Variants in CTNNBL1 observed in about 807,000 individuals in gnomAD.
CTNNBL1 encodes the protein beta-catenin-like protein 1.
In CTNNBL1, 31 loss-of-function variants were observed where a neutral mutation model predicts 72.7. The ratio of observed to expected loss-of-function variants is 0.43; its 90% CI spans 0.32 to 0.58. The LOEUF is 0.58. CTNNBL1 is among the 20% of genes least tolerant of loss of function. The pLI, the probability that CTNNBL1 is intolerant of heterozygous loss-of-function variation, is 0.08. For synonymous variants in CTNNBL1, 240 were observed against 267.3 expected, an observed-to-expected ratio of 0.90 and a Z score of 1.00; for missense variants, 534 against 725.1, an observed-to-expected ratio of 0.74 and a Z score of 3.03.
In CTNNBL1 at chr20:37,733,004, G is replaced by A. The variant is rs780488517; in HGVS notation, c.156G>A (p.Ala52=). Residue 52 remains alanine (A), a synonymous_variant, in exon 2 of 16, where the codon GCG becomes GCA. Transcript: ENST00000361383. ...REEEMTVVEE[A]DDDKKRLLQI... The stretch of plus-strand genomic sequence containing the variant: ...AAGAAATGACTGTGGTGGAGGAAGC[G>A]GATGATGACAAAAAAAGGCTGCTGC... The A allele has an allele frequency of 8.1e-6, 13 of 1,613,788 alleles. No individual in the cohort carries two copies. The highest frequency in any genetic ancestry group is 7.7e-5 in the South Asian group (7 of 91,078).
At chr20:37,813,553 C>A (rs1358855560) in intron 11 of CTNNBL1, among the ~76,000 whole-genome samples, 1 of 152,164 alleles carries the variant, frequency 6.6e-6, no homozygotes, top group African/African-American at 2.4e-5. Flanking sequence ...ACTTATCACT[C>A]CTGTTTTTCT....
At chr20:37,868,460 A>T (rs2072555648) in intron 15 of CTNNBL1, among the ~76,000 whole-genome samples, 1 of 152,192 alleles carries the variant, frequency 6.6e-6, no homozygotes, top group Non-Finnish European at 1.5e-5. Flanking sequence ...CATGTGAGAC[A>T]ACCTAGAAAA....
intron 1 of CTNNBL1, among the ~76,000 whole-genome samples, chr20:37,707,706 T>C (rs1027048433): frequency 8.5e-5 from 13 of 152,240 alleles, no homozygotes; most frequent in Non-Finnish European, 1.9e-4. Context: ...TTCAAGAGCT[T>C]TTCCTGTGCA....
At chr20:37,724,307 T>C (rs886124701) in intron 1 of CTNNBL1, among the ~76,000 whole-genome samples, 1 of 152,222 alleles carries the variant, frequency 6.6e-6, no homozygotes, top group African/African-American at 2.4e-5. Flanking sequence ...TGAAAGTGTT[T>C]ATTCTCGAAA....
In CTNNBL1 at chr20:37,802,916, A is replaced by G. The variant is rs750024619; in HGVS notation, c.1081A>G (p.Met361Val). 3.0e-5 allele frequency: 49 copies of G among 1,613,938 alleles called. No homozygotes were observed. Among genetic ancestry groups the G allele is most frequent in the Non-Finnish European group, 3.9e-5 (46 of 1,180,012 alleles). Residue 361 changes from methionine to valine, a missense_variant, in exon 11 of 16, where the codon ATG becomes GTG. Met to Val is a conservative substitution (Grantham distance 21). Transcript: ENST00000361383. The part of the protein sequence containing the change: ...SSALKVLDHA[M>V]IGPEGTDNCH... ...TGCCCTGAAAGTGCTGGACCATGCC[A>G]TGATTGGCCCCGAAGGCACAGACAA...
rs185562389 is a variant in CTNNBL1, at chr20:37,798,785, T to G, written c.1032-4082T>G. On this transcript the variant is annotated intron_variant, in intron 10 of 15. Coordinates refer to ENST00000361383, the MANE Select transcript of CTNNBL1 (RefSeq NM_030877.5). Reference sequence around the variant, plus strand: ...GTTCTGTGTTATTTGTGAAATGGTTTGAGCGTATGCTGAATGGTAACTGAA... The same window carrying G: ...GTTCTGTGTTATTTGTGAAATGGTTGGAGCGTATGCTGAATGGTAACTGAA... Among the ~76,000 whole-genome samples, 24 of 152,364 alleles carry G rather than the reference T, an allele frequency of 1.6e-4. 1 individual carries two copies. The highest frequency in any genetic ancestry group is 5.5e-4 in the African/African-American group (23 of 41,588).
At chr20:37,700,771 A>G (rs1178260939) in intron 1 of CTNNBL1, among the ~76,000 whole-genome samples, 1 of 152,186 alleles carries the variant, frequency 6.6e-6, no homozygotes, top group African/African-American at 2.4e-5. Flanking sequence ...AAGTTTTCCA[A>G]TAAAGAATTC....
intron 4 of CTNNBL1, among the ~76,000 whole-genome samples, chr20:37,756,633 CTTTTTTTT>C (rs373023677): frequency 2.3e-5 from 3 of 130,060 alleles, no homozygotes; most frequent in African/African-American, 8.9e-5. Flanking sequence ...CTCTCCCTTT[CTTTTTTTT>C]TTTTTTTTTT....
chr20:37,867,367 G>A (rs1221652043), intron 15 of CTNNBL1, among the ~76,000 whole-genome samples: 2 of 152,052 alleles, frequency 1.3e-5, no homozygotes, highest in South Asian at 2.1e-4. Context: ...CCAGGTCTCC[G>A]CCCTGGAAGA....
At chr20:37,823,241 G>A (rs991878475) in intron 11 of CTNNBL1, among the ~76,000 whole-genome samples, 1 of 152,138 alleles carries the variant, frequency 6.6e-6, no homozygotes, top group Non-Finnish European at 1.5e-5. Context: ...ATTATAGGAT[G>A]GTTTCATTTG....
intron 1 of CTNNBL1, among the ~76,000 whole-genome samples, chr20:37,717,610 C>CTTT (rs199726420): frequency 1.4e-5 from 2 of 146,172 alleles, no homozygotes; most frequent in Non-Finnish European, 3.0e-5. Context: ...TTTCTTTTTT[C>CTTT]TTTTCTTTTT....
intron 11 of CTNNBL1, among the ~76,000 whole-genome samples, chr20:37,806,229 A>C (rs2071958984): frequency 6.6e-6 from 1 of 152,140 alleles, no homozygotes; most frequent in African/African-American, 2.4e-5. Context: ...TGTGACAAGC[A>C]CCTAGGGGTA....
chr20:37,761,476 A>C (rs1170585379), intron 5 of CTNNBL1, among the ~76,000 whole-genome samples: 2 of 152,178 alleles, frequency 1.3e-5, no homozygotes, highest in South Asian at 2.1e-4. Context: ...CTTACTATGA[A>C]AATTCCTGGA....
intron 7 of CTNNBL1, among the ~76,000 whole-genome samples, chr20:37,775,875 C>G (rs1465663129): frequency 2.6e-5 from 4 of 152,172 alleles, no homozygotes; most frequent in Non-Finnish European, 5.9e-5. Context: ...AGTTAAGTGT[C>G]TTGTTTTAAA....
intron 13 of CTNNBL1, among the ~76,000 whole-genome samples, chr20:37,851,469 G>A (rs767605239): frequency 4.6e-5 from 7 of 152,068 alleles, no homozygotes; most frequent in Admixed American, 2.6e-4. Context: ...ACTGGTTTGC[G>A]TTAGTCTCCA....
intron 3 of CTNNBL1, among the ~76,000 whole-genome samples, chr20:37,742,825 A>G (rs1454343692): frequency 6.6e-6 from 1 of 152,146 alleles, no homozygotes; most frequent in Non-Finnish European, 1.5e-5. Flanking sequence ...ATTTTTTGAG[A>G]CAGAGTCTCA....
intron 11 of CTNNBL1, among the ~76,000 whole-genome samples, chr20:37,817,695 G>A (rs1427861525): frequency 6.6e-6 from 1 of 152,168 alleles, no homozygotes; most frequent in Non-Finnish European, 1.5e-5. Flanking sequence ...CAGTAGGTCT[G>A]GGGTGAGGCC....
intron 1 of CTNNBL1, among the ~76,000 whole-genome samples, chr20:37,732,672 T>G (rs2073139200): frequency 6.6e-6 from 1 of 152,218 alleles, no homozygotes; most frequent in Non-Finnish European, 1.5e-5. Flanking sequence ...TTTTAGGATA[T>G]TTGCTGTCTA....
chr20:37,859,311 C>T lies in CTNNBL1; in HGVS notation c.1393-588C>T, dbSNP rs557234771. ...GGCGGAGGTTGCAGTGTGCCGAGATCGCGCCTTTGCACTCCAGCCTGGGGG... is the reference window on the plus strand; with the variant it reads ...GGCGGAGGTTGCAGTGTGCCGAGATTGCGCCTTTGCACTCCAGCCTGGGGG... On this transcript the variant is annotated intron_variant, in intron 13 of 15. Transcript: ENST00000361383. Among the ~76,000 whole-genome samples, 15 of 151,150 alleles carry T rather than the reference C, an allele frequency of 9.9e-5. No homozygotes were observed. In the East Asian group the frequency reaches 2.7e-3, roughly 27 times the overall value.
Sources: gnomAD v4.1 joint callset for allele counts (sites outside exome capture counted in the v4.1 genomes callset) on GRCh38, gnomAD v4.1.1 for gene constraint, MANE v1.5 for transcripts, NCBI Gene and HGNC (gene_info 2026-07-23, HGNC 2026-07-21) for gene names.